TTC34: variants seen among roughly 807,000 people sequenced by gnomAD.
The protein encoded by TTC34 is tetratricopeptide repeat protein 34.
In TTC34, 44 loss-of-function variants were observed where a neutral mutation model predicts 40.7. That is an observed-to-expected ratio of 1.08 (90% CI 0.85 to 1.39). TTC34 has a LOEUF of 1.39. TTC34 is among the 40% of genes most tolerant of loss of function. The pLI is 0.00. For synonymous variants in TTC34, 422 were observed against 398.6 expected (o/e 1.06, Z -0.70); for missense variants, 884 against 838.0 (o/e 1.05, Z -0.68).
At chr1:2,652,475 G>C (rs1321219724) in intron 6 of TTC34, among the ~76,000 whole-genome samples, 2 of 115,856 alleles carry the variant, frequency 1.7e-5, no homozygotes, top group African/African-American at 3.7e-5. Context: ...GCCTGGAGCA[G>C]AACCCACACC....
At chr1:2,693,191 G>T in intron 6 of TTC34, among the ~76,000 whole-genome samples, 1 of 110,766 alleles carries the variant, frequency 9.0e-6, no homozygotes, top group Non-Finnish European at 1.8e-5. Context: ...CACACCCCCA[G>T]GTGCGCATCT....
At chr1:2,647,264 T>C (rs1639037330) in intron 6 of TTC34, among the ~76,000 whole-genome samples, 1 of 152,204 alleles carries the variant, frequency 6.6e-6, no homozygotes, top group Non-Finnish European at 1.5e-5. Context: ...ATCACATGTA[T>C]GCTAGATGGC....
At chr1:2,800,238 C>T (rs1164738614) in exon 2 of TTC34, 1 of 398,422 alleles carries the variant, frequency 2.5e-6, no homozygotes, top group African/African-American at 2.1e-5. Flanking sequence ...CTCCGGGTGC[C>T]CCGAGAGGTA....
In TTC34 at chr1:2,752,043, C is replaced by A. The variant is rs1350948502; in HGVS notation, c.2226+31566G>T. ...GAGCATCTGACAGCGTGGAGCAGCA[C>A]CGACACCCCCAGGCGAACATCTGAA... On this transcript the variant is annotated intron_variant, in intron 6 of 8. Coordinates refer to ENST00000401095, the Ensembl canonical transcript of TTC34. 2.5e-3 allele frequency among the ~76,000 whole-genome samples: 291 copies of A among 118,474 alleles called. 92 individuals are homozygous for A. Among genetic ancestry groups the A allele is most frequent in the African/African-American group, 0.01 (278 of 26,510 alleles). 77.7% of individuals were successfully genotyped at this position (118,474 alleles called of 152,430 possible).
intron 6 of TTC34, among the ~76,000 whole-genome samples, chr1:2,650,981 C>T (rs1362043220): frequency 6.7e-6 from 1 of 150,176 alleles, no homozygotes; most frequent in Non-Finnish European, 1.5e-5. Flanking sequence ...CAAATGGCAC[C>T]CCAAACCCCC....
Position 2,800,032 on chromosome 1 carries a change from C to A in TTC34, c.784+12G>T. 2.5e-6 allele frequency: 1 copy of A among 398,414 alleles called. No individual in the cohort carries two copies. Among genetic ancestry groups the A allele is most frequent in the South Asian group, 1.3e-4 (1 of 7,838 alleles). The allele number at this position is 398,414 out of a possible 1,614,324, so 24.7% of individuals were successfully genotyped here. A position where few individuals can be genotyped will look rare whatever the true frequency, so the allele number is the denominator to read the frequency against. The stretch of plus-strand genomic sequence containing the variant: ...TCACCCTGGCTCTGCAGGGGCCATG[C>A]CGTCCTCCTACCTTGGGGTTCGCTG... On this transcript the variant is annotated intron_variant, in intron 2 of 8. Coordinates refer to ENST00000401095, the Ensembl canonical transcript of TTC34.
chr1:2,683,442 A>C (rs1458519584), intron 6 of TTC34, among the ~76,000 whole-genome samples: 2 of 133,156 alleles, frequency 1.5e-5, no homozygotes, highest in Non-Finnish European at 3.2e-5. Flanking sequence ...CCCCCAGGTG[A>C]GCATCCGACA....
intron 2 of TTC34, among the ~76,000 whole-genome samples, chr1:2,797,286 G>A (rs903311789): frequency 6.6e-6 from 1 of 152,194 alleles, no homozygotes; most frequent in African/African-American, 2.4e-5. Flanking sequence ...CTCACCTCCA[G>A]ATGTCTGCTG....
intron 2 of TTC34, among the ~76,000 whole-genome samples, chr1:2,793,953 G>A (rs532966277): frequency 1.1e-4 from 12 of 107,592 alleles, no homozygotes; most frequent in South Asian, 6.9e-4. Context: ...TCCCCTCCTC[G>A]CCCTCCTTCT....
chr1:2,783,904 A>G (rs1643531979), intron 5 of TTC34, 129 bp from the exon 6 acceptor site: 2 of 839,926 alleles, frequency 2.4e-6, no homozygotes, highest in Non-Finnish European at 3.4e-6. Context: ...CTCACAGGCC[A>G]CTGGGCACCA....
At chr1:2,753,068 T>A (rs1641378087) in intron 6 of TTC34, among the ~76,000 whole-genome samples, 1 of 148,348 alleles carries the variant, frequency 6.7e-6, no homozygotes, top group African/African-American at 2.5e-5. Flanking sequence ...CAGGTGAGCA[T>A]CTGACAGCCT....
At chr1:2,656,357 C>T (rs1238830011) in intron 6 of TTC34, among the ~76,000 whole-genome samples, 3 of 146,226 alleles carry the variant, frequency 2.1e-5, no homozygotes, top group Non-Finnish European at 3.0e-5. Context: ...CATCTGACAG[C>T]CTGGAACAGC....
intron 6 of TTC34, among the ~76,000 whole-genome samples, chr1:2,688,734 C>A (rs75545965): frequency 1.6e-5 from 2 of 125,940 alleles, no homozygotes; most frequent in African/African-American, 3.8e-5. Context: ...GGGCACACCC[C>A]CAGGTGAGGA....
chr1:2,752,225 T>C (rs1269051131), intron 6 of TTC34, among the ~76,000 whole-genome samples: 9 of 114,584 alleles, frequency 7.9e-5, no homozygotes, highest in African/African-American at 2.4e-4. Context: ...GGTGAGCATC[T>C]GACAGACTGG....
intron 6 of TTC34, among the ~76,000 whole-genome samples, chr1:2,671,986 C>A: frequency 6.6e-6 from 1 of 150,952 alleles, no homozygotes; most frequent in Non-Finnish European, 1.5e-5. Context: ...CAGTAGCACC[C>A]ACAAGCACAA....
chr1:2,797,628 G>A (rs1386455137), intron 2 of TTC34, among the ~76,000 whole-genome samples: 1 of 152,114 alleles, frequency 6.6e-6, no homozygotes, highest in Non-Finnish European at 1.5e-5. Context: ...CAGCCTTTGG[G>A]GTGGAGACGC....
chr1:2,687,408 C>T (rs540485613), intron 6 of TTC34, among the ~76,000 whole-genome samples: 111 of 151,002 alleles, frequency 7.4e-4, no homozygotes, highest in Non-Finnish European at 7.4e-4. Flanking sequence ...ACCCACACCC[C>T]CAGGTGAGCA....
rs192000299 is a variant in TTC34 at position 2,778,455 on chromosome 1, G to A, written c.2226+5154C>T. On this transcript the variant is annotated intron_variant, in intron 6 of 8. Transcript: ENST00000401095. ...GGAGTGGACCCCTCCCATCCCTGCC[G>A]TGCATCCTGTTGAGTAGACAGCTCA... 3.6e-3 allele frequency among the ~76,000 whole-genome samples: 547 copies of A among 152,310 alleles called. 1 individual carries two copies. The highest frequency in any genetic ancestry group is 5.5e-3 in the Non-Finnish European group (374 of 68,022).
intron 6 of TTC34, among the ~76,000 whole-genome samples, chr1:2,684,218 C>A (rs28399693): frequency 1.5e-4 from 22 of 151,430 alleles, no homozygotes; most frequent in African/African-American, 5.4e-4. Context: ...ATCTGACAGC[C>A]TGGAACAGCA....
Sources: gnomAD v4.1 joint callset for allele counts (sites outside exome capture counted in the v4.1 genomes callset) on GRCh38, gnomAD v4.1.1 for gene constraint, MANE v1.5 for transcripts, NCBI Gene and HGNC (gene_info 2026-07-23, HGNC 2026-07-21) for gene names.